Variants in SCUBE2 observed in about 807,000 individuals in gnomAD.
SCUBE2 encodes signal peptide, CUB domain and EGF like domain containing 2.
Under a neutral mutation model 125.9 loss-of-function variants are expected in SCUBE2, and 114 were observed. The observed-to-expected ratio is 0.91, with a 90% CI of 0.78 to 1.06. The LOEUF is 1.06. Among genes scored for constraint, SCUBE2 ranks in the 50% least tolerant of loss-of-function variants. The pLI, the probability that SCUBE2 is intolerant of heterozygous loss-of-function variation, is 0.00. For missense variants in SCUBE2, 1,255 were observed against 1,301.8 expected, an observed-to-expected ratio of 0.96 and a Z score of 0.55; for synonymous variants, 459 against 492.9, an observed-to-expected ratio of 0.93 and a Z score of 0.91.
intron 12 of SCUBE2, 37 bp downstream of exon 12, chr11:9,053,062 G>C: frequency 6.4e-7 from 1 of 1,564,324 alleles, no homozygotes; most frequent in Non-Finnish European, 8.8e-7. Context: ...CCTGGCCCCA[G>C]TGTGAGGACC....
chr11:9,060,426 C>A lies in SCUBE2; in HGVS notation c.949G>T (p.Asp317Tyr). 6.2e-7 allele frequency: 1 copy of A among 1,613,988 alleles called. No homozygotes were observed. The highest frequency in any genetic ancestry group is 8.5e-7 in the Non-Finnish European group (1 of 1,179,842). ...SCPVGFTLQL[D>Y]GKTCKDIDEC... is the part of the protein sequence containing the mutation. The stretch of plus-strand genomic sequence containing the variant: ...AGGCTACCTTTACATGTCTTCCCAT[C>A]CAACTGGAGAGTGAATCCAACAGGA... Residue 317 changes from aspartate (D) to tyrosine (Y), a missense_variant, in exon 8 of 23, where the codon GAT becomes TAT. By Grantham distance (160) the Asp-to-Tyr change is radical. This residue lies in a region of SCUBE2 where 378 missense variants were observed against 463.1 expected (regional missense o/e 0.82). Coordinates refer to ENST00000649792, the MANE Select transcript of SCUBE2 (RefSeq NM_001367977.2).
intron 3 of SCUBE2, among the ~76,000 whole-genome samples, chr11:9,076,924 C>T (rs1037680322): frequency 3.9e-5 from 6 of 152,176 alleles, no homozygotes; most frequent in African/African-American, 1.4e-4. Context: ...CAGCAAGACT[C>T]AAGGTGAGCA....
At position 9,027,448 on chromosome 11, in the gene SCUBE2, T is replaced by TG. The variant is rs753114269; in HGVS notation, c.2616dup (p.Lys873GlnfsTer10). On this transcript the variant is annotated frameshift_variant, in exon 20 of 23. Transcript: ENST00000649792. LOFTEE classifies it high-confidence loss of function. ...GGGACCACGATCAGGATGCGGCGCT[T>TG]GGGGGGTGGGTTGATGGTCCACGTA... The TG allele has an allele frequency of 3.8e-5, 62 of 1,613,778 alleles. No homozygotes were observed. The highest frequency in any genetic ancestry group is 5.0e-5 in the Non-Finnish European group (59 of 1,179,970).
At chr11:9,054,832 T>C (rs1036213625) in intron 10 of SCUBE2, among the ~76,000 whole-genome samples, 4 of 140,140 alleles carry the variant, frequency 2.9e-5, no homozygotes, top group African/African-American at 1.1e-4. Flanking sequence ...ACCTCCCGGG[T>C]TCAAGCAATT....
intron 16 of SCUBE2, among the ~76,000 whole-genome samples, chr11:9,046,231 A>C (rs557228347): frequency 5.7e-4 from 87 of 151,630 alleles, no homozygotes; most frequent in African/African-American, 2.0e-3. Context: ...GATGGTCTCG[A>C]TCTCCTGACC....
rs142022011 is a variant in SCUBE2 at position 9,079,444 on chromosome 11, T to A, written c.322A>T (p.Asn108Tyr). 1 of 1,614,136 alleles carries A rather than the reference T, an allele frequency of 6.2e-7. No homozygotes were observed. The highest frequency in any genetic ancestry group is 8.5e-7 in the Non-Finnish European group (1 of 1,180,002). The change falls in exon 3 of 23, where the codon AAT becomes TAT. Residue 108 changes from asparagine (N) to tyrosine (Y), a missense_variant. By Grantham distance (143) the Asn-to-Tyr change is moderately radical. Coordinates refer to ENST00000649792, the MANE Select transcript of SCUBE2 (RefSeq NM_001367977.2). ...CCATCAAAACAAGTGCAACGATAATTGCCTGGAATATTCAAACAGTCATGG... is the reference window on the plus strand; with the variant it reads ...CCATCAAAACAAGTGCAACGATAATAGCCTGGAATATTCAAACAGTCATGG... ...CVHDCLNIPG[N>Y]YRCTCFDGFM...
intron 17 of SCUBE2, among the ~76,000 whole-genome samples, chr11:9,033,401 T>A (rs1004388121): frequency 2.6e-5 from 4 of 152,222 alleles, no homozygotes; most frequent in Non-Finnish European, 5.9e-5. Flanking sequence ...CTTCTGCTAG[T>A]GTATTCTACC....
intron 1 of SCUBE2, 67 bp from the exon 2 acceptor site, chr11:9,089,896 G>C (rs940796548): frequency 1.3e-6 from 2 of 1,569,574 alleles, no homozygotes; most frequent in African/African-American, 1.3e-5. Flanking sequence ...CCTCGGCCCT[G>C]TCTGGCATCA....
chr11:9,053,488 G>A (rs1291045710), intron 11 of SCUBE2, 149 bp downstream of exon 11: 1 of 949,046 alleles, frequency 1.1e-6, no homozygotes, highest in Non-Finnish European at 1.6e-6. Flanking sequence ...AGTATCTCCT[G>A]TTTTTGAACT....
At position 9,025,760 on chromosome 11, in the gene SCUBE2, G is replaced by T. The variant is rs1379119590; in HGVS notation, c.2796C>A (p.Phe932Leu). ...TAGCGCTGTTCCCTTCATTGGACTTGAACTGAATCCACAGCTTCTTTGACC... is the reference window on the plus strand; with the variant it reads ...TAGCGCTGTTCCCTTCATTGGACTTTAACTGAATCCACAGCTTCTTTGACC... ...TSRSKKLWIQ[F>L]KSNEGNSARG... Residue 932 changes from phenylalanine to leucine, a missense_variant, in exon 21 of 23, where the codon TTC (phenylalanine) becomes TTA (leucine). By Grantham distance (22) the Phe-to-Leu change is conservative. Coordinates refer to ENST00000649792, the MANE Select transcript of SCUBE2 (RefSeq NM_001367977.2). 6.2e-7 allele frequency: 1 copy of T among 1,614,200 alleles called. No homozygotes were observed. Among genetic ancestry groups the T allele is most frequent in the Admixed American group, 1.7e-5 (1 of 60,022 alleles).
At position 9,038,208 on chromosome 11, in the gene SCUBE2, A is replaced by G. The variant is rs1590028948; in HGVS notation, c.2003-4412T>C. 2.6e-5 allele frequency among the ~76,000 whole-genome samples: 4 copies of G among 152,324 alleles called. No individual in the cohort carries two copies. In the South Asian group the frequency reaches 8.3e-4, roughly 32 times the overall value. ...CAATGAGCAAGCAAATAAGTATGTA[A>G]TAGAATGCAAGTAGTAGTATGATGA... is the stretch of plus-strand genomic sequence containing the variant. On this transcript the variant is annotated intron_variant, in intron 16 of 22. Transcript: ENST00000649792.
In SCUBE2 at chr11:9,060,528, G is replaced by T. The variant is rs1425326476; in HGVS notation, c.851-4C>A. 1.2e-6 allele frequency: 2 copies of T among 1,611,430 alleles called. No homozygotes were observed. ...CCATTGTTGACAGCACACGTTTCTG[G>T]CAAGGAGGTAAGAAAAGACAATTAG... On this transcript the variant is annotated splice_region_variant and splice_polypyrimidine_tract_variant and intron_variant, in intron 7 of 22. Coordinates refer to ENST00000649792, the MANE Select transcript of SCUBE2 (RefSeq NM_001367977.2).
intron 16 of SCUBE2, among the ~76,000 whole-genome samples, chr11:9,043,884 T>C (rs1338922921): frequency 6.6e-6 from 1 of 152,028 alleles, no homozygotes; most frequent in Non-Finnish European, 1.5e-5. Flanking sequence ...AGATGTAGGA[T>C]GCTTCCAACG....
chr11:9,082,569 A>G (rs1394245685), intron 2 of SCUBE2, among the ~76,000 whole-genome samples: 1 of 152,240 alleles, frequency 6.6e-6, no homozygotes, highest in Admixed American at 6.5e-5. Flanking sequence ...AGTAGAAACA[A>G]TCAAAATGCC....
chr11:9,089,440 A>T (rs1181180557), intron 2 of SCUBE2, among the ~76,000 whole-genome samples: 1 of 152,192 alleles, frequency 6.6e-6, no homozygotes, highest in Non-Finnish European at 1.5e-5. Flanking sequence ...GTGGGACCCA[A>T]AGATACTAAC....
Position 9,030,859 on chromosome 11 carries a change from G to A in SCUBE2, c.2240C>T (p.Thr747Met), listed in dbSNP as rs371950722. 8.7e-6 allele frequency: 14 copies of A among 1,614,086 alleles called. No individual in the cohort carries two copies. Among genetic ancestry groups the A allele is most frequent in the South Asian group, 6.6e-5 (6 of 91,090 alleles). Residue 747 changes from threonine to methionine, a missense_variant, in exon 18 of 23, where the codon ACG (threonine) becomes ATG (methionine). By Grantham distance (81) the Thr-to-Met change is moderately conservative (BLOSUM62 -1). Around this residue, in one of 3 missense-constraint regions of SCUBE2, gnomAD observed 515 missense variants for 515.7 expected, o/e 1.00. Transcript: ENST00000649792. ...FAPCQLCALG[T>M]FQPEAGRTSC... ...AGTTCGACCAGCTTCAGGCTGGAAC[G>A]TGCCCAGGGCACAGAGCTGGCAAGG...
intron 9 of SCUBE2, among the ~76,000 whole-genome samples, chr11:9,057,673 C>T (rs1482038675): frequency 6.6e-6 from 1 of 151,864 alleles, no homozygotes; most frequent in Admixed American, 6.6e-5. Flanking sequence ...TGCCCGCCAC[C>T]GCGCCCTCCA....
chr11:9,085,834 T>C (rs1862014672), intron 2 of SCUBE2, among the ~76,000 whole-genome samples: 1 of 151,928 alleles, frequency 6.6e-6, no homozygotes, highest in Non-Finnish European at 1.5e-5. Context: ...TTAGTTTTTT[T>C]TTTTTTTTTT....
chr11:9,060,312 G>C lies in SCUBE2; in HGVS notation c.967+96C>G, dbSNP rs372650735. 2.2e-5 allele frequency: 19 copies of C among 873,926 alleles called. No individual in the cohort carries two copies. The East Asian group carries it at 4.7e-4, about 21-fold the overall frequency. 54.1% of individuals were successfully genotyped at this position (873,926 alleles called of 1,614,324 possible). Reference sequence around the variant, plus strand: ...ATAAGCAAATCTCGAGTCACGTGGGGTATGGAGGGTATGTTGCCTTTATCC... The same window carrying C: ...ATAAGCAAATCTCGAGTCACGTGGGCTATGGAGGGTATGTTGCCTTTATCC... On this transcript the variant is annotated intron_variant, in intron 8 of 22. Transcript: ENST00000649792.
Sources: allele counts gnomAD v4.1 joint callset (sites outside exome capture counted in the v4.1 genomes callset), GRCh38; gene constraint gnomAD v4.1.1; regional missense constraint gnomAD v4.1.1; transcripts MANE v1.5; gene names NCBI Gene and HGNC (gene_info 2026-07-23, HGNC 2026-07-21).